Variants in CCDC88C observed in about 807,000 individuals in gnomAD.
CCDC88C encodes the protein coiled-coil and HOOK domain protein 88C.
In CCDC88C, 131 loss-of-function variants were observed where a neutral mutation model predicts 198.8. The ratio of observed to expected loss-of-function variants is 0.66; its 90% CI spans 0.57 to 0.76. The LOEUF (loss-of-function observed/expected upper bound fraction) is 0.76, where lower values mean the gene tolerates loss of function less well. Ranked by LOEUF, CCDC88C falls within the 30% of genes least tolerant of loss-of-function variation. The pLI, the probability that CCDC88C is intolerant of heterozygous loss-of-function variation, is 0.00. For missense variants in CCDC88C, 2,553 were observed against 2,631.6 expected (o/e 0.97, Z 0.65); for synonymous variants, 1,166 against 1,114.7 (o/e 1.05, Z -0.92).
chr14:91,305,949 C>G, intron 18 of CCDC88C, 23 bp from the exon 19 acceptor site: 1 of 1,606,052 alleles, frequency 6.2e-7, no homozygotes, highest in Non-Finnish European at 8.5e-7. Flanking sequence ...GAGGCATGAG[C>G]GAATCAAACT....
At chr14:91,309,814 G>A in intron 16 of CCDC88C, 45 bp downstream of exon 16, 1 of 1,583,370 alleles carries the variant, frequency 6.3e-7, no homozygotes, top group South Asian at 1.1e-5. Context: ...ACTGAACAGT[G>A]GAGGAAGTGC....
chr14:91,366,167 C>A (rs545348462), intron 3 of CCDC88C, among the ~76,000 whole-genome samples: 150 of 131,846 alleles, frequency 1.1e-3, no homozygotes, highest in African/African-American at 6.1e-3. Context: ...CACACACACA[C>A]ACACACACAC....
chr14:91,302,748 T>C (rs914301942), intron 20 of CCDC88C, among the ~76,000 whole-genome samples: 3 of 152,108 alleles, frequency 2.0e-5, no homozygotes, highest in Non-Finnish European at 4.4e-5. Context: ...TTCCTTTCTA[T>C]ATGTTCGGAA....
chr14:91,413,090 T>A (rs900242640), intron 2 of CCDC88C, among the ~76,000 whole-genome samples: 1 of 152,200 alleles, frequency 6.6e-6, no homozygotes, highest in African/African-American at 2.4e-5. Flanking sequence ...TGAACAAATA[T>A]GGTTGAACTT....
At position 91,309,956 on chromosome 14, in the gene CCDC88C, G is replaced by C. The variant is rs1474044604; in HGVS notation, c.2767C>G (p.Gln923Glu). The C allele has an allele frequency of 6.2e-7, 1 of 1,602,322 alleles. No individual in the cohort carries two copies. Among genetic ancestry groups the C allele is most frequent in the African/African-American group, 1.3e-5 (1 of 74,670 alleles). The change falls in exon 16 of 30, where the codon CAG becomes GAG. Residue 923 changes from glutamine (Q) to glutamate (E), a missense_variant. Around this residue, in one of 2 missense-constraint regions of CCDC88C, gnomAD observed 1,260 missense variants for 1,412.0 expected, o/e 0.89. Coordinates refer to ENST00000389857, the MANE Select transcript of CCDC88C (RefSeq NM_001080414.4). ...DLVLEKLKSQQLSSELDKLSQ... is the reference protein window; with the variant it reads ...DLVLEKLKSQELSSELDKLSQ... ...AGCTTGTCCAGCTCACTGCTGAGCTGCTGGCTCTTCAGCTTCTCGAGCACC... is the reference window on the plus strand; with the variant it reads ...AGCTTGTCCAGCTCACTGCTGAGCTCCTGGCTCTTCAGCTTCTCGAGCACC...
intron 20 of CCDC88C, among the ~76,000 whole-genome samples, chr14:91,300,404 T>C (rs1353502651): frequency 6.6e-6 from 1 of 152,188 alleles, no homozygotes; most frequent in African/African-American, 2.4e-5. Flanking sequence ...GCCCTTCTCT[T>C]TTAGGGAATT....
At chr14:91,357,309 T>C (rs1894080149) in intron 4 of CCDC88C, among the ~76,000 whole-genome samples, 1 of 152,252 alleles carries the variant, frequency 6.6e-6, no homozygotes, top group Non-Finnish European at 1.5e-5. Flanking sequence ...TGGAGTGCAG[T>C]GGCACAATCA....
rs771546977 is a variant in CCDC88C, at chr14:91,343,638, G to A, written c.360C>T (p.Ile120=). ...CCAGCACCAGCAGCAGCACCTTCTT[G>A]ATTTCCTCCATGCTCTTCCCTAGAT... ...DPLSGKSMEE[I]KKVLLLVLGC... is the part of the protein sequence containing the mutation. Residue 120 remains isoleucine (I), a synonymous_variant, in exon 5 of 30, where the codon ATC becomes ATT. Coordinates refer to ENST00000389857, the MANE Select transcript of CCDC88C (RefSeq NM_001080414.4). The A allele has an allele frequency of 3.1e-6, 5 of 1,613,508 alleles. No individual in the cohort carries two copies. The African/African-American group carries it at 5.3e-5, about 17-fold the overall frequency.
chr14:91,279,493 C>T (rs1890111297), intron 27 of CCDC88C, 187 bp from the exon 28 acceptor site: 6 of 552,204 alleles, frequency 1.1e-5, no homozygotes, highest in East Asian at 5.9e-5. Flanking sequence ...CAACGGAGTG[C>T]TGGGCACAGC....
At position 91,325,913 on chromosome 14, in the gene CCDC88C, T is replaced by G; in HGVS notation, c.1194A>C (p.Glu398Asp). 1 of 1,551,888 alleles carries G rather than the reference T, an allele frequency of 6.4e-7. No homozygotes were observed. The highest frequency in any genetic ancestry group is 1.4e-5 in the African/African-American group (1 of 73,194). ...GTAACAACACAGCCTGCAGTACCAA[T>G]TCCAGGTCGTGAAGCTTGGATTTCA... is the stretch of plus-strand genomic sequence containing the variant. ...LQLKSKLHDL[E>D]LDRDTDKKRI... Residue 398 changes from glutamate to aspartate, a missense_variant, in exon 11 of 30, where the codon GAA becomes GAC. Around this residue, in one of 2 missense-constraint regions of CCDC88C, gnomAD observed 1,260 missense variants for 1,412.0 expected, o/e 0.89. Transcript: ENST00000389857. The surrounding 1 kb of genome is among the most constrained non-coding windows in gnomAD (Gnocchi z 4.1).
At position 91,288,548 on chromosome 14, in the gene CCDC88C, T is replaced by A. The variant is rs1247754483; in HGVS notation, c.4441+557A>T. On this transcript the variant is annotated intron_variant, in intron 25 of 29. Transcript: ENST00000389857. The surrounding 1 kb of genome is among the most constrained non-coding windows in gnomAD (Gnocchi z 4.2). ...CTTGTCTCTATGGTACCTGCACGAA[T>A]GTCAGCTTTGGATATTGAGATATCT... is the stretch of plus-strand genomic sequence containing the variant. 6.6e-6 allele frequency among the ~76,000 whole-genome samples: 1 copy of A among 152,240 alleles called. No homozygotes were observed. Among genetic ancestry groups the A allele is most frequent in the East Asian group, 1.9e-4 (1 of 5,202 alleles).
chr14:91,272,993 C>G lies in CCDC88C; in HGVS notation c.5719G>C (p.Ala1907Pro). 6.4e-7 allele frequency: 1 copy of G among 1,553,078 alleles called. No homozygotes were observed. Among genetic ancestry groups the G allele is most frequent in the East Asian group, 2.4e-5 (1 of 41,972 alleles). The change falls in exon 30 of 30, where the codon GCC (alanine) becomes CCC (proline). Residue 1907 changes from alanine (A) to proline (P), a missense_variant. Physicochemically the swap from Ala to Pro is conservative, Grantham distance 27 (BLOSUM62 -1). Around this residue, in one of 2 missense-constraint regions of CCDC88C, gnomAD observed 1,293 missense variants for 1,219.6 expected, o/e 1.06. Coordinates refer to ENST00000389857, the MANE Select transcript of CCDC88C (RefSeq NM_001080414.4). ...APLHQSATAP[A>P]IATAGAGAAA... ...GCACCAGCACCTGCAGTGGCAATGG[C>G]GGGGGCTGTGGCAGACTGATGCAGG...
At position 91,386,775 on chromosome 14, in the gene CCDC88C, C is replaced by T. The variant is rs189645388; in HGVS notation, c.270+21884G>A. Among the ~76,000 whole-genome samples, 4 of 152,358 alleles carry T rather than the reference C, an allele frequency of 2.6e-5. No homozygotes were observed. The East Asian group carries it at 7.7e-4, about 29-fold the overall frequency. ...GAGGCCAGCACACTTTCTCCTCACGCCCAGCGCCAAAACAGCCCTGGGCTC... is the reference window on the plus strand; with the variant it reads ...GAGGCCAGCACACTTTCTCCTCACGTCCAGCGCCAAAACAGCCCTGGGCTC... On this transcript the variant is annotated intron_variant, in intron 3 of 29. Coordinates refer to ENST00000389857, the MANE Select transcript of CCDC88C (RefSeq NM_001080414.4).
chr14:91,404,098 A>C (rs181442799), intron 3 of CCDC88C, among the ~76,000 whole-genome samples: 54 of 152,242 alleles, frequency 3.5e-4, no homozygotes, highest in African/African-American at 1.2e-3. Flanking sequence ...CAGATATCCC[A>C]TTTGAGGGTG....
chr14:91,318,633 C>T (rs150165273), intron 13 of CCDC88C, among the ~76,000 whole-genome samples: 1 of 152,242 alleles, frequency 6.6e-6, no homozygotes, highest in Non-Finnish European at 1.5e-5. Flanking sequence ...CTGTTCCCAG[C>T]CTCAGAGATC....
chr14:91,272,364 A>G lies in CCDC88C; in HGVS notation c.*261T>C, dbSNP rs1889770657. The stretch of plus-strand genomic sequence containing the variant: ...TGTCATTGCATCCTAATTGGTCCCC[A>G]TGCTGACGTGGATTATTTGTTCCAA... On this transcript the variant is annotated 3_prime_UTR_variant, in exon 30 of 30. Transcript: ENST00000389857. 2.0e-6 allele frequency: 1 copy of G among 505,520 alleles called. No homozygotes were observed. Among genetic ancestry groups the G allele is most frequent in the Non-Finnish European group, 3.5e-6 (1 of 285,184 alleles). 31.3% of individuals were successfully genotyped at this position (505,520 alleles called of 1,614,324 possible). A position where few individuals can be genotyped will look rare whatever the true frequency, so the allele number is the denominator to read the frequency against.
In CCDC88C at chr14:91,272,650, A is replaced by G. The variant is rs1038210687; in HGVS notation, c.6062T>C (p.Val2021Ala). 2 of 1,610,892 alleles carry G rather than the reference A, an allele frequency of 1.2e-6. No homozygotes were observed. The highest frequency in any genetic ancestry group is 1.7e-6 in the Non-Finnish European group (2 of 1,179,818). ...SPEPGGDPQT[V>A]WYEYGCV ...TCACACACAGCCGTACTCATACCACACGGTCTGCGGATCCCCGCCGGGCTC... is the reference window on the plus strand; with the variant it reads ...TCACACACAGCCGTACTCATACCACGCGGTCTGCGGATCCCCGCCGGGCTC... Residue 2021 changes from valine to alanine, a missense_variant, in exon 30 of 30, where the codon GTG becomes GCG. Around this residue, in one of 2 missense-constraint regions of CCDC88C, gnomAD observed 1,293 missense variants for 1,219.6 expected, o/e 1.06. Coordinates refer to ENST00000389857, the MANE Select transcript of CCDC88C (RefSeq NM_001080414.4).
intron 4 of CCDC88C, among the ~76,000 whole-genome samples, chr14:91,356,212 T>C (rs546138794): frequency 6.6e-6 from 1 of 152,250 alleles, no homozygotes; most frequent in Non-Finnish European, 1.5e-5. Flanking sequence ...TGTCTGCATC[T>C]TCCTGCTGGT....
rs116476236 is a variant in CCDC88C, at chr14:91,373,489, C to G, written c.271-13778G>C. On this transcript the variant is annotated intron_variant, in intron 3 of 29. Coordinates refer to ENST00000389857, the MANE Select transcript of CCDC88C (RefSeq NM_001080414.4). ...TAAGACTGTAATTACCCCTCCTTAGCCCCCACTCGCTCCTCCAAAAAAGCT... is the reference window on the plus strand; with the variant it reads ...TAAGACTGTAATTACCCCTCCTTAGGCCCCACTCGCTCCTCCAAAAAAGCT... 4.2e-3 allele frequency among the ~76,000 whole-genome samples: 647 copies of G among 152,284 alleles called. 9 individuals are homozygous for G. Among genetic ancestry groups the G allele is most frequent in the African/African-American group, 0.015 (626 of 41,562 alleles).
Sources: gnomAD v4.1 joint callset for allele counts (sites outside exome capture counted in the v4.1 genomes callset) on GRCh38, gnomAD v4.1.1 for gene constraint, gnomAD v4.1.1 regional missense constraint, Gnocchi (gnomAD v3.1) non-coding constraint, MANE v1.5 for transcripts, NCBI Gene and HGNC (gene_info 2026-07-23, HGNC 2026-07-21) for gene names.